The following AR variants were observed in gnomAD, a reference collection of about 807,000 sequenced individuals.
AR encodes dihydrotestosterone receptor.
Under a neutral mutation model 53.9 loss-of-function variants are expected in AR, and 8 were observed. The observed-to-expected ratio is 0.15, with a 90% CI of 0.09 to 0.27. The LOEUF is 0.27. Among genes scored for constraint, AR ranks in the 10% least tolerant of loss-of-function variants. The pLI, the probability that AR is intolerant of heterozygous loss-of-function variation, is 1.00. For missense variants in AR, 639 were observed against 742.5 expected (o/e 0.86, Z 1.62); for synonymous variants, 359 against 316.4 (o/e 1.13, Z -1.43).
rs764902149 is a variant in AR, at chrX:67,554,179, A to G, written c.1616+7417A>G. ...TTATAATCCCTTTTTTAGAATTTGG[A>G]TTTGGGAACTATTAGCAAGGCAGTG... On this transcript the variant is annotated intron_variant, in intron 1 of 7. Transcript: ENST00000374690. Among the ~76,000 whole-genome samples the G allele has an allele frequency of 2.7e-5, 3 of 112,131 alleles. No homozygotes were observed. The South Asian group carries it at 1.1e-3, about 41-fold the overall frequency.
intron 2 of AR, among the ~76,000 whole-genome samples, chrX:67,677,437 C>A (rs1372681339): frequency 8.9e-6 from 1 of 111,781 alleles, no homozygotes; most frequent in East Asian, 2.8e-4. Context: ...TTATCTCTTG[C>A]ACAATCTAAC....
intron 1 of AR, among the ~76,000 whole-genome samples, chrX:67,633,322 G>A (rs1295997271): frequency 1.8e-5 from 2 of 111,292 alleles, no homozygotes; most frequent in Non-Finnish European, 3.8e-5. Flanking sequence ...GGTGCCTCTT[G>A]TTCTTTTCTT....
Position 67,723,843 on chromosome X carries a change from G to A in AR, c.*2G>A, listed in dbSNP as rs773635082. On this transcript the variant is annotated 3_prime_UTR_variant, in exon 8 of 8. Transcript: ENST00000374690. ...CCCATCTATTTCCACACCCAGTGAAGCATTGGAAACCCTATTTCCCCACCC... is the reference window on the plus strand; with the variant it reads ...CCCATCTATTTCCACACCCAGTGAAACATTGGAAACCCTATTTCCCCACCC... 2 of 1,209,839 alleles carry A rather than the reference G, an allele frequency of 1.7e-6. No homozygotes were observed. Among genetic ancestry groups the A allele is most frequent in the Non-Finnish European group, 2.2e-6 (2 of 895,238 alleles).
intron 4 of AR, among the ~76,000 whole-genome samples, 191 bp from the exon 5 acceptor site, chrX:67,717,287 G>A (rs1307182847): frequency 5.4e-5 from 6 of 111,376 alleles, no homozygotes; most frequent in African/African-American, 1.6e-4. Flanking sequence ...GAAGTAGGGA[G>A]GATAAGGAAT....
chrX:67,664,084 A>T (rs1465647872), intron 2 of AR, among the ~76,000 whole-genome samples: 1 of 110,989 alleles, frequency 9.0e-6, no homozygotes, highest in Non-Finnish European at 1.9e-5. Flanking sequence ...TTTAGCTCAG[A>T]GTAGTTTGAT....
intron 1 of AR, among the ~76,000 whole-genome samples, chrX:67,632,708 G>T (rs983854099): frequency 8.9e-6 from 1 of 112,274 alleles, no homozygotes; most frequent in African/African-American, 3.2e-5. Context: ...TGAAATTTTT[G>T]TGCTGCAAAT....
At chrX:67,680,669 T>C (rs2075927970) in intron 2 of AR, 1 of 329,523 alleles carries the variant, frequency 3.0e-6, no homozygotes, top group African/African-American at 2.6e-5. Context: ...CATAATGTGA[T>C]GCCACTAATA....
chrX:67,711,693 A>T lies in AR; in HGVS notation c.2173+4A>T, dbSNP rs2147525378. 8.3e-7 allele frequency: 1 copy of T among 1,200,978 alleles called. No individual in the cohort carries two copies. Among genetic ancestry groups the T allele is most frequent in the Non-Finnish European group, 1.1e-6 (1 of 890,003 alleles). On this transcript the variant is annotated splice_donor_region_variant and intron_variant, in intron 4 of 7. Coordinates refer to ENST00000374690, the MANE Select transcript of AR (RefSeq NM_000044.6). ...AAGTGGGCCAAGGCCTTGCCTGGTAAGGAAAAGGGAAGTGGGAGCATGAGA... is the reference window on the plus strand; with the variant it reads ...AAGTGGGCCAAGGCCTTGCCTGGTATGGAAAAGGGAAGTGGGAGCATGAGA...
intron 3 of AR, among the ~76,000 whole-genome samples, chrX:67,700,013 G>T (rs1378111593): frequency 1.8e-5 from 2 of 111,115 alleles, no homozygotes; most frequent in East Asian, 2.9e-4. Context: ...GCTCCCACAG[G>T]GGTCTAATGC....
intron 3 of AR, among the ~76,000 whole-genome samples, chrX:67,707,026 T>A (rs936185939): frequency 8.9e-6 from 1 of 112,118 alleles, no homozygotes; most frequent in Non-Finnish European, 1.9e-5. Context: ...TTTGTTATAA[T>A]TTCTGTTCTT....
At chrX:67,722,133 G>C (rs372654530) in intron 6 of AR, 170 bp downstream of exon 6, 1 of 618,207 alleles carries the variant, frequency 1.6e-6, no homozygotes, top group South Asian at 3.0e-5. Flanking sequence ...TTCCTAACAA[G>C]AAACAATTTC....
At chrX:67,548,825 C>T (rs1032734907) in intron 1 of AR, among the ~76,000 whole-genome samples, 2 of 111,376 alleles carry the variant, frequency 1.8e-5, no homozygotes, top group African/African-American at 3.3e-5. Context: ...CTTGACAGTC[C>T]GCTTAAATTA....
In AR at chrX:67,588,703, A is replaced by G. The variant is rs560088765; in HGVS notation, c.1616+41941A>G. Among the ~76,000 whole-genome samples the G allele has an allele frequency of 4.5e-5, 5 of 112,034 alleles. No individual in the cohort carries two copies. The South Asian group carries it at 1.9e-3, about 42-fold the overall frequency. On this transcript the variant is annotated intron_variant, in intron 1 of 7. Coordinates refer to ENST00000374690, the MANE Select transcript of AR (RefSeq NM_000044.6). ...ATTGACTAAATAGACTTGGCCTCAC[A>G]ATTGGTTTTTATTCTCTATCTCCTT...
At chrX:67,606,868 T>G (rs1433156777) in intron 1 of AR, among the ~76,000 whole-genome samples, 1 of 111,886 alleles carries the variant, frequency 8.9e-6, no homozygotes, top group Non-Finnish European at 1.9e-5. Flanking sequence ...TGAACAGTAG[T>G]TGAGCGAAAA....
intron 2 of AR, among the ~76,000 whole-genome samples, chrX:67,658,248 G>A (rs958667984): frequency 8.9e-6 from 1 of 112,020 alleles, no homozygotes; most frequent in African/African-American, 3.2e-5. Context: ...ATGTAGAATA[G>A]GAAGGCTTAG....
intron 1 of AR, among the ~76,000 whole-genome samples, chrX:67,566,691 T>A (rs1479621296): frequency 9.0e-6 from 1 of 111,140 alleles, no homozygotes; most frequent in Non-Finnish European, 1.9e-5. Flanking sequence ...GTTTAAGAGT[T>A]GATTTTAGAT....
chrX:67,568,948 G>A (rs937433790), intron 1 of AR: 1 of 1,210,139 alleles, frequency 8.3e-7, no homozygotes, highest in Non-Finnish European at 1.1e-6. Flanking sequence ...ACTTTGTACA[G>A]GGAACCAGGG....
intron 4 of AR, 95 bp downstream of exon 4, chrX:67,711,784 A>G: frequency 1.1e-6 from 1 of 925,216 alleles, no homozygotes; most frequent in Admixed American, 3.4e-5. Context: ...TTTTCTGCCC[A>G]TTAACTCAGG....
intron 3 of AR, among the ~76,000 whole-genome samples, chrX:67,701,009 G>T (rs2076040106): frequency 9.0e-6 from 1 of 111,198 alleles, no homozygotes; most frequent in South Asian, 3.8e-4. Flanking sequence ...AAATGGGAAA[G>T]TTGCCCCAGA....
Sources: allele counts gnomAD v4.1 joint callset (sites outside exome capture counted in the v4.1 genomes callset), GRCh38; gene constraint gnomAD v4.1.1; transcripts MANE v1.5; gene names NCBI Gene and HGNC (gene_info 2026-07-23, HGNC 2026-07-21).